The following SLC67A2 variants were observed in gnomAD, a reference collection of about 807,000 sequenced individuals.
SLC67A2 encodes the protein solute carrier family 67 member 2, also known as solute carrier family 67 member A2.
the SLC67A2 span, among the ~76,000 whole-genome samples, chr2:102,714,782 CTGTTTTA>C: frequency 1.2e-4 from 19 of 152,224 alleles, no homozygotes; most frequent in African/African-American, 4.3e-4. Context: ...TGTGGTAACC[CTGTTTTA>C]GAGACTTCTT....
At chr2:102,726,416 G>A in the SLC67A2 span, among the ~76,000 whole-genome samples, 1 of 152,158 alleles carries the variant, frequency 6.6e-6, no homozygotes, top group Admixed American at 6.5e-5. Context: ...GAGGGGCAAG[G>A]GGCTCTGTCA....
chr2:102,721,705 A>T, the SLC67A2 span, among the ~76,000 whole-genome samples: 1 of 151,128 alleles, frequency 6.6e-6, no homozygotes, highest in Non-Finnish European at 1.5e-5. Flanking sequence ...CTGTATGTAT[A>T]TATGTATGTC....
At chr2:102,723,981 T>A in the SLC67A2 span, 1 of 1,291,064 alleles carries the variant, frequency 7.7e-7, no homozygotes, top group Non-Finnish European at 1.1e-6. Flanking sequence ...ATCCTGTGCT[T>A]AACCTCTATC....
chr2:102,736,194 A>C, the SLC67A2 span, among the ~76,000 whole-genome samples: 1 of 152,104 alleles, frequency 6.6e-6, no homozygotes, highest in Non-Finnish European at 1.5e-5. Flanking sequence ...AATGTGCCTA[A>C]ATCTGTCCAA....
At chr2:102,719,086 G>C in the SLC67A2 span, 2 of 1,614,122 alleles carry the variant, frequency 1.2e-6, no homozygotes, top group African/African-American at 1.3e-5. Context: ...CTCTGCGGCT[G>C]GTGGCTGCCT....
the SLC67A2 span, chr2:102,736,599 C>A: frequency 6.2e-7 from 1 of 1,613,536 alleles, no homozygotes; most frequent in Non-Finnish European, 8.5e-7. Context: ...GGTCCCCAGG[C>A]CCGAACACAG....
At chr2:102,719,255 C>A in the SLC67A2 span, 1 of 1,549,874 alleles carries the variant, frequency 6.5e-7, no homozygotes, top group Non-Finnish European at 8.8e-7. Context: ...TGCACTGAAT[C>A]CATACACTAC....
chr2:102,732,213 C>A, the SLC67A2 span: 2 of 965,448 alleles, frequency 2.1e-6, no homozygotes, highest in South Asian at 2.7e-5. Flanking sequence ...ATCTCATTTC[C>A]CACTTACCTT....
the SLC67A2 span, chr2:102,718,989 A>G: frequency 6.2e-7 from 1 of 1,614,228 alleles, no homozygotes; most frequent in South Asian, 1.1e-5. Flanking sequence ...AATATGTCCC[A>G]CATTTCGGAA....
chr2:102,720,617 C>T, the SLC67A2 span, among the ~76,000 whole-genome samples: 1 of 152,098 alleles, frequency 6.6e-6, no homozygotes, highest in Admixed American at 6.5e-5. Flanking sequence ...TCTTACAGTT[C>T]TCATAACAAG....
At chr2:102,731,969 T>A in the SLC67A2 span, 2 of 364,132 alleles carry the variant, frequency 5.5e-6, no homozygotes, top group Non-Finnish European at 1.1e-5. Context: ...TATGTTTCCC[T>A]GGTCTCTCAC....
the SLC67A2 span, chr2:102,723,824 G>C: frequency 6.2e-7 from 1 of 1,614,092 alleles, no homozygotes; most frequent in Admixed American, 1.7e-5. Flanking sequence ...CTGTGTTGAA[G>C]TGTCCGATTA....
chr2:102,736,695 G>A, the SLC67A2 span: 2 of 1,613,364 alleles, frequency 1.2e-6, no homozygotes, highest in South Asian at 1.1e-5. Context: ...GGCTCCGACG[G>A]CACCGGAGTC....
At chr2:102,718,258 A>T in the SLC67A2 span, 1 of 760,766 alleles carries the variant, frequency 1.3e-6, no homozygotes, top group Admixed American at 2.7e-5. Context: ...TCCTGCAGGC[A>T]TGGCTGCATG....
chr2:102,719,091 C>T, the SLC67A2 span: 1 of 1,614,110 alleles, frequency 6.2e-7, no homozygotes, highest in African/African-American at 1.3e-5. Context: ...CGGCTGGTGG[C>T]TGCCTCCTGC....
At chr2:102,732,912 T>C in the SLC67A2 span, among the ~76,000 whole-genome samples, 1 of 152,188 alleles carries the variant, frequency 6.6e-6, no homozygotes, top group Non-Finnish European at 1.5e-5. Context: ...AGAAAGTGAA[T>C]GGGCTTTGGG....
At chr2:102,725,687 A>T in the SLC67A2 span, among the ~76,000 whole-genome samples, 3 of 113,222 alleles carry the variant, frequency 2.6e-5, no homozygotes, top group African/African-American at 1.0e-4. Flanking sequence ...TCTAGTCAAC[A>T]AAAAGGCATG....
the SLC67A2 span, chr2:102,718,986 C>T: frequency 1.2e-6 from 2 of 1,614,106 alleles, no homozygotes; most frequent in Non-Finnish European, 1.7e-6. Context: ...AGAAATATGT[C>T]CCACATTTCG....
the SLC67A2 span, chr2:102,732,503 C>T: frequency 0.01 from 11,059 of 1,054,338 alleles, 89 homozygotes; most frequent in Middle Eastern, 0.035. Flanking sequence ...AAACCAATAT[C>T]TAAAATTTTA....
Sources: allele counts gnomAD v4.1 joint callset (sites outside exome capture counted in the v4.1 genomes callset), GRCh38; gene constraint gnomAD v4.1.1; transcripts MANE v1.5; gene names NCBI Gene and HGNC (gene_info 2026-07-23, HGNC 2026-07-21).